Variants in SP140L observed in about 807,000 individuals in gnomAD.
SP140L encodes nuclear body protein SP140-like protein.
SP140L carries 64 observed loss-of-function variants against 84.3 expected under a neutral mutation model. That is an observed-to-expected ratio of 0.76 (90% CI 0.62 to 0.94). The LOEUF is 0.94. Among genes scored for constraint, SP140L ranks in the 40% least tolerant of loss-of-function variants. The pLI, the probability that SP140L is intolerant of heterozygous loss-of-function variation, is 0.00. For missense variants in SP140L, 628 were observed against 692.5 expected (o/e 0.91, Z 1.05); for synonymous variants, 242 against 236.9 (o/e 1.02, Z -0.20).
intron 2 of SP140L, among the ~76,000 whole-genome samples, chr2:230,337,700 G>C (rs1367845588): frequency 6.6e-6 from 1 of 152,138 alleles, no homozygotes; most frequent in Non-Finnish European, 1.5e-5. Context: ...TCCAGTTTCA[G>C]CTTTCTACAT....
In SP140L at chr2:230,341,442, C is replaced by G. The variant is rs1196959088; in HGVS notation, c.107+12611C>G. Among the ~76,000 whole-genome samples, 306 of 111,700 alleles carry G rather than the reference C, an allele frequency of 2.7e-3. 2 individuals carry two copies. The highest frequency in any genetic ancestry group is 0.024 in the Admixed American group (243 of 10,202). The allele number at this position is 111,700 out of a possible 152,430, so 73.3% of individuals were successfully genotyped here. A position where few individuals can be genotyped will look rare whatever the true frequency, so the allele number is the denominator to read the frequency against. ...CTTCTTTGCCTTTGGTTTGAATGTC[C>G]GCCCGTAGCTCAGAGTAATTTGATC... On this transcript the variant is annotated intron_variant, in intron 2 of 18. Transcript: ENST00000415673.
In SP140L at chr2:230,392,216, G is replaced by T. The variant is rs200700457; in HGVS notation, c.1094G>T (p.Arg365Leu). ...LSVRCGGWPL[R>L]RLMEEGSLPN... Reference sequence around the variant, plus strand: ...GTGCGCTGTGGCGGGTGGCCCCTACGACGGCTGATGGAGGTATTCCAATGA... The same window carrying T: ...GTGCGCTGTGGCGGGTGGCCCCTACTACGGCTGATGGAGGTATTCCAATGA... The change falls in exon 12 of 19, where the codon CGA becomes CTA. Residue 365 changes from arginine (R) to leucine (L), a missense_variant. Transcript: ENST00000415673. 9 of 1,613,856 alleles carry T rather than the reference G, an allele frequency of 5.6e-6. No homozygotes were observed. Among genetic ancestry groups the T allele is most frequent in the Non-Finnish European group, 7.6e-6 (9 of 1,179,924 alleles).
At chr2:230,341,270 C>T (rs1378325528) in intron 2 of SP140L, among the ~76,000 whole-genome samples, 1 of 144,922 alleles carries the variant, frequency 6.9e-6, no homozygotes, top group Non-Finnish European at 1.5e-5. Flanking sequence ...ACCCTTTGTT[C>T]CAGTTGATCG....
At chr2:230,333,560 G>T (rs1163059834) in intron 2 of SP140L, among the ~76,000 whole-genome samples, 1 of 152,052 alleles carries the variant, frequency 6.6e-6, no homozygotes, top group Non-Finnish European at 1.5e-5. Flanking sequence ...TCTCATGATG[G>T]TTTGCCTTGG....
chr2:230,365,372 T>C (rs2060834907), intron 5 of SP140L, among the ~76,000 whole-genome samples: 1 of 152,046 alleles, frequency 6.6e-6, no homozygotes, highest in Non-Finnish European at 1.5e-5. Context: ...TGTTGGTAGG[T>C]TGTATCTGTC....
intron 8 of SP140L, among the ~76,000 whole-genome samples, chr2:230,384,260 T>G (rs886768861): frequency 1.3e-5 from 2 of 152,198 alleles, no homozygotes; most frequent in Non-Finnish European, 2.9e-5. Flanking sequence ...TAGGAGAATA[T>G]TTGTTAACAA....
chr2:230,389,439 T>C (rs1482259726), intron 10 of SP140L, among the ~76,000 whole-genome samples: 2 of 152,136 alleles, frequency 1.3e-5, no homozygotes, highest in East Asian at 1.9e-4. Context: ...AAGCAGAGAA[T>C]AAAAGTAGAA....
chr2:230,369,040 G>A (rs2060972903), intron 5 of SP140L, among the ~76,000 whole-genome samples: 1 of 152,120 alleles, frequency 6.6e-6, no homozygotes, highest in Non-Finnish European at 1.5e-5. Flanking sequence ...TTATTACCTT[G>A]CATTTATATC....
At chr2:230,383,466 A>G (rs780588183) in intron 7 of SP140L, 44 bp from the exon 8 acceptor site, 46 of 1,535,136 alleles carry the variant, frequency 3.0e-5, no homozygotes, top group Middle Eastern at 1.8e-4. Flanking sequence ...AAATAATTAT[A>G]TTTATTCCTC....
rs758560110 is a variant in SP140L, at chr2:230,401,352, T to G, written c.1423-14T>G. Reference sequence around the variant, plus strand: ...TCCAAGCTGCTTTTCATTTACGGCCTCTTTCTTTTGCAGAAATGTGAGTTC... The same window carrying G: ...TCCAAGCTGCTTTTCATTTACGGCCGCTTTCTTTTGCAGAAATGTGAGTTC... On this transcript the variant is annotated splice_polypyrimidine_tract_variant and intron_variant, in intron 16 of 18. Transcript: ENST00000415673. 6.3e-7 allele frequency: 1 copy of G among 1,582,120 alleles called. No homozygotes were observed. The highest frequency in any genetic ancestry group is 8.6e-7 in the Non-Finnish European group (1 of 1,167,734).
chr2:230,346,770 T>A (rs898972945), intron 2 of SP140L, among the ~76,000 whole-genome samples: 1 of 152,202 alleles, frequency 6.6e-6, no homozygotes, highest in Non-Finnish European at 1.5e-5. Flanking sequence ...TTATATTTTG[T>A]TTATATATTG....
At chr2:230,347,035 G>A (rs1266879926) in intron 2 of SP140L, among the ~76,000 whole-genome samples, 2 of 152,196 alleles carry the variant, frequency 1.3e-5, no homozygotes, top group African/African-American at 2.4e-5. Context: ...GGCATGGAAA[G>A]CCCTTTAGTA....
Position 230,393,375 on chromosome 2 carries a change from C to T in SP140L, c.1108-39C>T, listed in dbSNP as rs375167133. Reference sequence around the variant, plus strand: ...AAATGCCAGACTCACAAAACAGAAACGCAGGCTGACTATGTACCTTGGTCT... The same window carrying T: ...AAATGCCAGACTCACAAAACAGAAATGCAGGCTGACTATGTACCTTGGTCT... On this transcript the variant is annotated intron_variant, in intron 12 of 18. Transcript: ENST00000415673. 126 of 1,557,402 alleles carry T rather than the reference C, an allele frequency of 8.1e-5. 1 individual carries two copies. The highest frequency in any genetic ancestry group is 1.7e-4 in the Middle Eastern group (1 of 5,954).
At chr2:230,351,680 A>G (rs899617330) in intron 2 of SP140L, among the ~76,000 whole-genome samples, 62 of 152,122 alleles carry the variant, frequency 4.1e-4, no homozygotes, top group Non-Finnish European at 1.5e-4. Context: ...ACGGAGTCTC[A>G]CTGTCACCCA....
At position 230,350,420 on chromosome 2, in the gene SP140L, G is replaced by A. The variant is rs2060330061; in HGVS notation, c.108-7385G>A. ...AAATGGGCAATCAGGTTATTTTCAG[G>A]TTTAGAGGTATGTGTTATTGTGGAG... On this transcript the variant is annotated intron_variant, in intron 2 of 18. Transcript: ENST00000415673. Among the ~76,000 whole-genome samples, 3 of 152,240 alleles carry A rather than the reference G, an allele frequency of 2.0e-5. No individual in the cohort carries two copies. In the South Asian group the frequency reaches 6.2e-4, roughly 32 times the overall value.
chr2:230,387,534 A>G (rs1218556677), intron 9 of SP140L, among the ~76,000 whole-genome samples: 2 of 152,162 alleles, frequency 1.3e-5, no homozygotes, highest in African/African-American at 4.8e-5. Context: ...ATATGCTCAT[A>G]ATATGCTTAG....
intron 7 of SP140L, among the ~76,000 whole-genome samples, chr2:230,374,241 G>A (rs901587044): frequency 2.0e-5 from 3 of 151,764 alleles, no homozygotes; most frequent in African/African-American, 4.8e-5. Context: ...GCTTGAACCC[G>A]GGAGGCAGAG....
intron 10 of SP140L, 58 bp from the exon 11 acceptor site, chr2:230,389,860 TG>T (rs1427415021): frequency 1.3e-6 from 2 of 1,505,342 alleles, no homozygotes; most frequent in Admixed American, 3.4e-5. Flanking sequence ...TTTACCTCAG[TG>T]GGAAGGGGGG....
At chr2:230,332,136 A>T (rs1211454207) in intron 2 of SP140L, among the ~76,000 whole-genome samples, 2 of 152,164 alleles carry the variant, frequency 1.3e-5, no homozygotes, top group African/African-American at 4.8e-5. Flanking sequence ...TTACTAAGTT[A>T]TTTCTTTTAA....
Sources: gnomAD v4.1 joint callset for allele counts (sites outside exome capture counted in the v4.1 genomes callset) on GRCh38, gnomAD v4.1.1 for gene constraint, MANE v1.5 for transcripts, NCBI Gene and HGNC (gene_info 2026-07-23, HGNC 2026-07-21) for gene names.